TENM2: variants seen among roughly 807,000 people sequenced by gnomAD.
TENM2 encodes teneurin transmembrane protein 2.
TENM2 carries 52 observed loss-of-function variants against 245.2 expected under a neutral mutation model. That is an observed-to-expected ratio of 0.21 (90% CI 0.17 to 0.27). The LOEUF (loss-of-function observed/expected upper bound fraction) is 0.27, where lower values mean the gene tolerates loss of function less well. Ranked by LOEUF, TENM2 falls within the 10% of genes least tolerant of loss-of-function variation. The probability of loss-of-function intolerance (pLI) is 1.00; values close to 1 mark genes in which losing one functional copy is unlikely to be tolerated. For synonymous variants in TENM2, 1,363 were observed against 1,438.9 expected (o/e 0.95, Z 1.19); for missense variants, 3,046 against 3,666.8 (o/e 0.83, Z 4.37).
intron 7 of TENM2, among the ~76,000 whole-genome samples, chr5:168,087,608 CAA>C (rs111574327): frequency 1.3e-4 from 15 of 111,704 alleles, no homozygotes; most frequent in Admixed American, 1.9e-4. Context: ...GACTCCATCT[CAA>C]AAAAAAAAAA....
At chr5:167,445,369 A>AGAGAGAGAGAGAGAGT (rs35699708) in intron 2 of TENM2, among the ~76,000 whole-genome samples, 2,383 of 97,658 alleles carry the variant, frequency 0.024, 101 homozygotes, top group Middle Eastern at 0.034. Flanking sequence ...AGAGAGAGAG[A>AGAGAGAGAGAGAGAGT]GTGTCAGGTG....
intron 26 of TENM2, among the ~76,000 whole-genome samples, chr5:168,246,246 A>AC (rs1190583682): frequency 6.6e-6 from 1 of 151,444 alleles, no homozygotes; most frequent in Non-Finnish European, 1.5e-5. Flanking sequence ...AAAAAAAAAA[A>AC]AAAATGCAGG....
intron 3 of TENM2, among the ~76,000 whole-genome samples, chr5:167,883,506 C>T (rs1774044549): frequency 6.6e-6 from 1 of 152,206 alleles, no homozygotes; most frequent in African/African-American, 2.4e-5. Flanking sequence ...TCAAGATGGA[C>T]AGGTAATTCC....
In TENM2 at chr5:167,706,346, T is replaced by C. The variant is rs374625684; in HGVS notation, c.503-169640T>C. Among the ~76,000 whole-genome samples, 17 of 147,964 alleles carry C rather than the reference T, an allele frequency of 1.1e-4. No individual in the cohort carries two copies. In the East Asian group the frequency reaches 3.2e-3, roughly 27 times the overall value. On this transcript the variant is annotated intron_variant, in intron 2 of 28. Transcript: ENST00000518659. ...ATATATATTAGAAAATGTGATACAG[T>C]ATATATAAGAAAATGTGATACAGTA...
At chr5:167,859,565 C>A (rs1771502573) in intron 2 of TENM2, among the ~76,000 whole-genome samples, 1 of 94,942 alleles carries the variant, frequency 1.1e-5, no homozygotes, top group Admixed American at 9.3e-5. Context: ...GTGGGGGGGT[C>A]AGCCCCCCGC....
At chr5:167,411,887 T>G (rs1463533037) in intron 2 of TENM2, among the ~76,000 whole-genome samples, 1 of 152,086 alleles carries the variant, frequency 6.6e-6, no homozygotes, top group Non-Finnish European at 1.5e-5. Context: ...GTTGACTGAC[T>G]GCTGATCAAA....
intron 25 of TENM2, chr5:168,241,242 C>CCT (rs1554231113): frequency 6.8e-6 from 1 of 147,736 alleles, no homozygotes; most frequent in African/African-American, 2.5e-5. Flanking sequence ...GATGCATTCT[C>CCT]TTTTCTTTTT....
chr5:167,557,016 T>G (rs757199942), intron 2 of TENM2, among the ~76,000 whole-genome samples: 22 of 152,230 alleles, frequency 1.4e-4, no homozygotes, highest in Admixed American at 9.8e-4. Flanking sequence ...AGTTTTTTAT[T>G]GTTTGTTTTT....
chr5:167,097,308 C>T, the TENM2 span, among the ~76,000 whole-genome samples: 1 of 152,108 alleles, frequency 6.6e-6, no homozygotes, highest in African/African-American at 2.4e-5. Flanking sequence ...GCAAGTGGGG[C>T]CTTGGCCAAG....
At chr5:167,575,748 C>T (rs1309184736) in intron 2 of TENM2, among the ~76,000 whole-genome samples, 1 of 152,180 alleles carries the variant, frequency 6.6e-6, no homozygotes, top group Non-Finnish European at 1.5e-5. Context: ...GAGAAAAAGA[C>T]ACTGCTGTCG....
At chr5:167,160,229 T>C in the TENM2 span, among the ~76,000 whole-genome samples, 1 of 152,234 alleles carries the variant, frequency 6.6e-6, no homozygotes, top group Admixed American at 6.5e-5. Flanking sequence ...TACCACCCTG[T>C]GTTAACCTGA....
intron 1 of TENM2, among the ~76,000 whole-genome samples, chr5:167,293,519 C>T (rs1008198892): frequency 6.6e-6 from 1 of 151,770 alleles, no homozygotes; most frequent in South Asian, 2.1e-4. Flanking sequence ...CGCACCTGGC[C>T]CCTGATTGTT....
intron 2 of TENM2, among the ~76,000 whole-genome samples, chr5:167,405,271 G>T (rs1225037496): frequency 6.6e-6 from 1 of 151,752 alleles, no homozygotes; most frequent in African/African-American, 2.4e-5. Context: ...TTTCCGAATA[G>T]CATGGTGCAA....
the TENM2 span, among the ~76,000 whole-genome samples, chr5:167,017,196 G>T: frequency 6.6e-6 from 1 of 152,276 alleles, no homozygotes; most frequent in East Asian, 1.9e-4. Flanking sequence ...TTTGCTTAAG[G>T]CCTTATAACT....
intron 6 of TENM2, among the ~76,000 whole-genome samples, chr5:168,053,953 G>A (rs995173925): frequency 6.6e-6 from 1 of 152,186 alleles, no homozygotes; most frequent in Non-Finnish European, 1.5e-5. Flanking sequence ...AGGAAAAATT[G>A]TAAGAGTATC....
chr5:168,180,448 G>A (rs1258101988), intron 13 of TENM2, among the ~76,000 whole-genome samples: 3 of 152,232 alleles, frequency 2.0e-5, no homozygotes, highest in East Asian at 3.8e-4. Context: ...CAGGGAATGC[G>A]TATTAACATC....
the TENM2 span, among the ~76,000 whole-genome samples, chr5:167,267,006 T>C: frequency 3.9e-5 from 6 of 152,162 alleles, no homozygotes. Context: ...CATTGGTCAG[T>C]CCACCCACTA....
chr5:167,283,405 C>G (rs952316587), upstream of TENM2, among the ~76,000 whole-genome samples: 1 of 152,130 alleles, frequency 6.6e-6, no homozygotes, highest in Admixed American at 6.5e-5. Flanking sequence ...ATATTTGATA[C>G]AGTGTACACG....
At chr5:168,036,684 T>TATA (rs1213575972) in intron 5 of TENM2, among the ~76,000 whole-genome samples, 16 of 117,878 alleles carry the variant, frequency 1.4e-4, no homozygotes, top group African/African-American at 6.4e-4. Context: ...TGTGTATATA[T>TATA]ATATATATAT....
Sources: allele counts gnomAD v4.1 joint callset (sites outside exome capture counted in the v4.1 genomes callset), GRCh38; gene constraint gnomAD v4.1.1; transcripts MANE v1.5; gene names NCBI Gene and HGNC (gene_info 2026-07-23, HGNC 2026-07-21).